Variants in DISP1 observed in about 807,000 individuals in gnomAD.
DISP1 encodes protein dispatched homolog 1.
A neutral mutation model predicts 37.3 loss-of-function variants in DISP1; 30 were observed. That is an observed-to-expected ratio of 0.80 (90% CI 0.60 to 1.09). The LOEUF is 1.09. Ranked by LOEUF, DISP1 falls within the 50% of genes least tolerant of loss-of-function variation. The pLI, the probability that DISP1 is intolerant of heterozygous loss-of-function variation, is 0.00. For missense variants in DISP1, 1,598 were observed against 1,879.5 expected (o/e 0.85, Z 2.77); for synonymous variants, 634 against 690.2 (o/e 0.92, Z 1.28).
chr1:222,906,984 G>C (rs1417934071), intron 1 of DISP1, among the ~76,000 whole-genome samples: 1 of 152,178 alleles, frequency 6.6e-6, no homozygotes, highest in Non-Finnish European at 1.5e-5. Flanking sequence ...TTTGACCTTG[G>C]TCTTTTTTCA....
At chr1:222,902,991 C>T (rs1308762986) in intron 1 of DISP1, among the ~76,000 whole-genome samples, 1 of 151,794 alleles carries the variant, frequency 6.6e-6, no homozygotes, top group Non-Finnish European at 1.5e-5. Context: ...GCTATAAAGA[C>T]ACACGCACAC....
In DISP1 at chr1:222,984,435, T is replaced by TATATATATATAG. The variant is rs67660273; in HGVS notation, c.539+1327_539+1328insTATATATATAGA. Among the ~76,000 whole-genome samples the TATATATATATAG allele has an allele frequency of 1.0e-3, 109 of 108,360 alleles. 3 individuals carry two copies. The highest frequency in any genetic ancestry group is 3.6e-3 in the African/African-American group (94 of 26,404). The allele number at this position is 108,360 out of a possible 152,430, so 71.1% of individuals were successfully genotyped here. A position where few individuals can be genotyped will look rare whatever the true frequency, so the allele number is the denominator to read the frequency against. On this transcript the variant is annotated intron_variant, in intron 4 of 8. Coordinates refer to ENST00000675850, the MANE Select transcript of DISP1 (RefSeq NM_001377229.1). ...AAAAAAAAAAAAATATATATATATA[T>TATATATATATAG]AGAGAGAGAGAGAGAGAGAGAGAGC...
intron 3 of DISP1, among the ~76,000 whole-genome samples, chr1:222,957,133 T>G (rs572773861): frequency 1.4e-5 from 2 of 144,088 alleles, no homozygotes; most frequent in South Asian, 4.6e-4. Flanking sequence ...TAAACTATTT[T>G]CTTTACTATT....
rs1679872229 is a variant in DISP1, at chr1:223,005,819, G to T, written c.4422G>T (p.Arg1474Ser). 2 of 1,614,088 alleles carry T rather than the reference G, an allele frequency of 1.2e-6. No homozygotes were observed. Among genetic ancestry groups the T allele is most frequent in the African/African-American group, 2.7e-5 (2 of 74,938 alleles). Residue 1474 changes from arginine (R) to serine (S), a missense_variant, in exon 9 of 9, where the codon AGG becomes AGT. By Grantham distance (110) the Arg-to-Ser change is moderately radical (BLOSUM62 -1). Transcript: ENST00000675850. ...ATTTAATGGGGGAGGCTGGTTGTAG[G>T]TCTTGCCCAAATAATTCACAAAGTT... The part of the protein sequence containing the change: ...FNHLMGEAGC[R>S]SCPNNSQSCG...
chr1:223,005,266 TG>T lies in DISP1; in HGVS notation c.3874del (p.Asp1292ThrfsTer24). 1 of 1,613,886 alleles carries T rather than the reference TG, an allele frequency of 6.2e-7. No homozygotes were observed. Among genetic ancestry groups the T allele is most frequent in the Non-Finnish European group, 8.5e-7 (1 of 1,180,016 alleles). On this transcript the variant is annotated frameshift_variant, in exon 9 of 9. Transcript: ENST00000675850. LOFTEE classifies it low-confidence loss of function (END_TRUNC). The part of the protein sequence containing the change: ...LNYGPHSCQQ[M>X]GDCLCHQCSP... ...TATGGCCCACACTCTTGCCAGCAGA[TG>T]GGGGACTGCTTGTGCCACCAGTGCT...
At chr1:222,899,606 T>A (rs1671471134) in intron 1 of DISP1, among the ~76,000 whole-genome samples, 1 of 152,060 alleles carries the variant, frequency 6.6e-6, no homozygotes, top group African/African-American at 2.4e-5. Flanking sequence ...AGAGATGATA[T>A]CTTGTGCTGT....
rs1478831650 is a variant in DISP1, at chr1:223,004,012, C to T, written c.2615C>T (p.Pro872Leu). 1.9e-6 allele frequency: 3 copies of T among 1,614,176 alleles called. No homozygotes were observed. Among genetic ancestry groups the T allele is most frequent in the Non-Finnish European group, 2.5e-6 (3 of 1,180,034 alleles). ...NQDCDEPALY[P>L]CCSHWSFPYK... ...GACTGTGATGAGCCTGCCCTGTACC[C>T]ATGCTGCAGCCACTGGAGCTTCCCC... Residue 872 changes from proline to leucine, a missense_variant, in exon 9 of 9, where the codon CCA becomes CTA. Transcript: ENST00000675850. The surrounding 1 kb of genome is among the most constrained non-coding windows in gnomAD (Gnocchi z 4.9).
chr1:222,853,995 A>T (rs1668412518), intron 1 of DISP1, among the ~76,000 whole-genome samples: 1 of 152,210 alleles, frequency 6.6e-6, no homozygotes, highest in Non-Finnish European at 1.5e-5. Context: ...CATGTACCCC[A>T]TGAATATCTA....
At chr1:222,832,575 T>TGAATTTAATTTTAAGTC (rs1455961139) in intron 1 of DISP1, among the ~76,000 whole-genome samples, 1 of 152,194 alleles carries the variant, frequency 6.6e-6, no homozygotes, top group East Asian at 1.9e-4. Context: ...TGGATATTGT[T>TGAATTTAATTTTAAGTC]GAATTTAATT....
chr1:222,853,152 G>T (rs548819183), intron 1 of DISP1, among the ~76,000 whole-genome samples: 29 of 152,242 alleles, frequency 1.9e-4, no homozygotes, highest in Middle Eastern at 6.8e-3. Context: ...GAAGTTGGTG[G>T]CAGGCCATGA....
chr1:222,882,256 G>A (rs1252745137), intron 1 of DISP1, among the ~76,000 whole-genome samples: 1 of 152,106 alleles, frequency 6.6e-6, no homozygotes, highest in African/African-American at 2.4e-5. Context: ...ACACTACAAA[G>A]AACAATCATT....
At chr1:222,916,290 C>G (rs1238523011) in intron 1 of DISP1, among the ~76,000 whole-genome samples, 1 of 152,192 alleles carries the variant, frequency 6.6e-6, no homozygotes, top group Non-Finnish European at 1.5e-5. Context: ...TGGGACAGCT[C>G]TCTTCTTGTG....
intron 3 of DISP1, among the ~76,000 whole-genome samples, chr1:222,948,107 G>A (rs2125507334): frequency 6.6e-6 from 1 of 152,294 alleles, no homozygotes; most frequent in African/African-American, 2.4e-5. Context: ...CAGAAGAAGG[G>A]AACTAAGTAA....
intron 1 of DISP1, among the ~76,000 whole-genome samples, chr1:222,906,269 T>G (rs966088941): frequency 1.3e-5 from 2 of 152,226 alleles, no homozygotes; most frequent in African/African-American, 4.8e-5. Context: ...AACAGATTCA[T>G]GGCGTATTTA....
intron 1 of DISP1, among the ~76,000 whole-genome samples, chr1:222,897,220 C>T (rs1287393772): frequency 6.6e-6 from 1 of 152,102 alleles, no homozygotes; most frequent in Non-Finnish European, 1.5e-5. Context: ...AGACTTGGCA[C>T]AAAAGAGTAT....
rs186443490 is a variant in DISP1 at position 222,960,687 on chromosome 1, T to G, written c.509+17355T>G. Among the ~76,000 whole-genome samples the G allele has an allele frequency of 9.3e-3, 1,403 of 150,532 alleles. 17 individuals are homozygous for G. The highest frequency in any genetic ancestry group is 0.031 in the African/African-American group (1,262 of 41,022). On this transcript the variant is annotated intron_variant, in intron 3 of 8. Transcript: ENST00000675850. ...AAAAATCAATGAATCCAGGAGCTGG[T>G]TTTTTTTTGAAAAAATTAACAAAAT... is the stretch of plus-strand genomic sequence containing the variant.
intron 1 of DISP1, among the ~76,000 whole-genome samples, chr1:222,888,482 G>A (rs1240248841): frequency 6.6e-6 from 1 of 152,022 alleles, no homozygotes; most frequent in Non-Finnish European, 1.5e-5. Context: ...AGGGTAAAAA[G>A]TTTTACTTTA....
At chr1:222,853,141 T>C (rs1228411561) in intron 1 of DISP1, among the ~76,000 whole-genome samples, 1 of 152,202 alleles carries the variant, frequency 6.6e-6, no homozygotes, top group African/African-American at 2.4e-5. Context: ...GTTTTAATAA[T>C]GAAGTTGGTG....
At chr1:222,865,055 A>C (rs1669110093) in intron 1 of DISP1, among the ~76,000 whole-genome samples, 1 of 151,250 alleles carries the variant, frequency 6.6e-6, no homozygotes, top group Non-Finnish European at 1.5e-5. Context: ...TTTTTTCCTT[A>C]AACCTCAGGA....
Sources: allele counts gnomAD v4.1 joint callset (sites outside exome capture counted in the v4.1 genomes callset), GRCh38; gene constraint gnomAD v4.1.1; non-coding constraint Gnocchi (gnomAD v3.1); transcripts MANE v1.5; gene names NCBI Gene and HGNC (gene_info 2026-07-23, HGNC 2026-07-21).